The following FERMT3 variants were observed in gnomAD, a reference collection of about 807,000 sequenced individuals.
The protein encoded by FERMT3 is FERM domain containing kindlin 3.
In FERMT3, 33 loss-of-function variants were observed where a neutral mutation model predicts 80.8. The observed-to-expected ratio is 0.41, with a 90% CI of 0.31 to 0.55. The LOEUF is 0.55. Ranked by LOEUF, FERMT3 falls within the 20% of genes least tolerant of loss-of-function variation. The pLI, the probability that FERMT3 is intolerant of heterozygous loss-of-function variation, is 0.31. For synonymous variants in FERMT3, 375 were observed against 372.2 expected (o/e 1.01, Z -0.09); for missense variants, 754 against 908.7 (o/e 0.83, Z 2.19).
intron 13 of FERMT3, 115 bp downstream of exon 13, chr11:64,221,255 C>G (rs1384276167): frequency 9.4e-7 from 1 of 1,067,866 alleles, no homozygotes. Flanking sequence ...CAAAGACTCC[C>G]TTCCCTTGTT....
rs1266306957 is a variant in FERMT3 at position 64,207,470 on chromosome 11, G to T, written c.106G>T (p.Val36Phe). The change falls in exon 2 of 15, where the codon GTC becomes TTC. Residue 36 changes from valine to phenylalanine, a missense_variant. By Grantham distance (50) the Val-to-Phe change is conservative (BLOSUM62 -1). Transcript: ENST00000345728. ...AGAGGCCGAGTCGGTCACCCTGCGG[G>T]TCACTGGGGAGTCGCACATCGGCGG... ...DPEAESVTLR[V>F]TGESHIGGVL... 1.2e-6 allele frequency: 2 copies of T among 1,613,936 alleles called. No homozygotes were observed. The highest frequency in any genetic ancestry group is 1.7e-6 in the Non-Finnish European group (2 of 1,179,970).
At position 64,210,855 on chromosome 11, in the gene FERMT3, C is replaced by T. The variant is rs201241002; in HGVS notation, c.394+11C>T. On this transcript the variant is annotated intron_variant, in intron 3 of 14. Coordinates refer to ENST00000345728, the MANE Select transcript of FERMT3 (RefSeq NM_031471.6). The surrounding 1 kb of genome is among the most constrained non-coding windows in gnomAD (Gnocchi z 4.3). ...TCTGCCGCCTCCTCAGTAAGTTGCC[C>T]GGCTGATTCCCCTGGCCCACGAGGG... 3.0e-5 allele frequency: 48 copies of T among 1,610,664 alleles called. No homozygotes were observed. Among genetic ancestry groups the T allele is most frequent in the East Asian group, 2.5e-4 (11 of 44,866 alleles).
intron 13 of FERMT3, 75 bp from the exon 14 acceptor site, chr11:64,222,969 AGCAC>A (rs1946745536): frequency 1.9e-6 from 3 of 1,591,180 alleles, no homozygotes; most frequent in Non-Finnish European, 2.6e-6. Flanking sequence ...CTGGCTCTCC[AGCAC>A]GGCGCCACAT....
At chr11:64,207,634 C>T (rs547477693) in intron 2 of FERMT3, 110 bp downstream of exon 2, 27 of 1,340,028 alleles carry the variant, frequency 2.0e-5, no homozygotes, top group East Asian at 7.1e-5. Context: ...AATGGTGTCA[C>T]GGTGACTCAG....
intron 6 of FERMT3, among the ~76,000 whole-genome samples, chr11:64,218,874 G>A (rs1946609727): frequency 6.6e-6 from 1 of 151,860 alleles, no homozygotes. Flanking sequence ...ATTGAACTTG[G>A]GGGGGCCTTA....
rs1473238904 is a variant in FERMT3, at chr11:64,210,664, T to C, written c.214T>C (p.Trp72Arg). ...HAIWWEQKRQ[W>R]LLQTHWTLDK... ...TATTTGGTGGGAACAGAAGAGGCAG[T>C]GGCTGCTGCAGACCCACTGGACACT... The change falls in exon 3 of 15, where the codon TGG becomes CGG. Residue 72 changes from tryptophan (W) to arginine (R), a missense_variant. By Grantham distance (101) the Trp-to-Arg change is moderately radical. Coordinates refer to ENST00000345728, the MANE Select transcript of FERMT3 (RefSeq NM_031471.6). This position sits in a 1 kb window ranked among gnomAD's most constrained non-coding sequence, Gnocchi z 4.3. 3 of 1,614,104 alleles carry C rather than the reference T, an allele frequency of 1.9e-6. No homozygotes were observed. The highest frequency in any genetic ancestry group is 2.5e-6 in the Non-Finnish European group (3 of 1,179,998).
At chr11:64,221,399 TAGG>T (rs1268712816) in intron 13 of FERMT3, among the ~76,000 whole-genome samples, 40 of 151,566 alleles carry the variant, frequency 2.6e-4, no homozygotes, top group Admixed American at 1.3e-4. Flanking sequence ...GAGGCAGAGA[TAGG>T]AGGATCACTT....
chr11:64,207,275 A>C (rs1946331577), intron 1 of FERMT3, 76 bp from the exon 2 acceptor site: 1 of 1,575,166 alleles, frequency 6.3e-7, no homozygotes, highest in Non-Finnish European at 8.7e-7. Flanking sequence ...TGTCCAGGGC[A>C]TCACAGAGCT....
chr11:64,217,921 C>T (rs891804119), intron 6 of FERMT3, among the ~76,000 whole-genome samples: 3 of 151,838 alleles, frequency 2.0e-5, no homozygotes, highest in African/African-American at 4.8e-5. Flanking sequence ...AGGGACAAGG[C>T]GTGAGGCCCT....
chr11:64,221,243 C>T (rs1246418148), intron 13 of FERMT3, 103 bp downstream of exon 13: 2 of 1,154,082 alleles, frequency 1.7e-6, no homozygotes, highest in African/African-American at 1.5e-5. Flanking sequence ...GGACAGGCAC[C>T]CCAAAGACTC....
rs781320126 is a variant in FERMT3 at position 64,223,442 on chromosome 11, C to G, written c.1942C>G (p.Leu648Val). ...GCGGGAGCGGGCCCGTGGGGAGGAGCTGGATGAAGACCTCTTCCTGCAGCT... is the reference window on the plus strand; with the variant it reads ...GCGGGAGCGGGCCCGTGGGGAGGAGGTGGATGAAGACCTCTTCCTGCAGCT... ...STRERARGEE[L>V]DEDLFLQLTG... The change falls in exon 15 of 15, where the codon CTG (leucine) becomes GTG (valine). Residue 648 changes from leucine (L) to valine (V), a missense_variant. Leu to Val is a conservative substitution (Grantham distance 32, BLOSUM62 1). Coordinates refer to ENST00000345728, the MANE Select transcript of FERMT3 (RefSeq NM_031471.6). 6.2e-7 allele frequency: 1 copy of G among 1,612,960 alleles called. No individual in the cohort carries two copies. The highest frequency in any genetic ancestry group is 8.5e-7 in the Non-Finnish European group (1 of 1,180,018).
In FERMT3 at chr11:64,211,013, G is replaced by A; in HGVS notation, c.395-39G>A. On this transcript the variant is annotated intron_variant, in intron 3 of 14. Transcript: ENST00000345728. This position sits in a 1 kb window ranked among gnomAD's most constrained non-coding sequence, Gnocchi z 4.7. ...CCATGGGTGAGGTGGGGAGGCTGCAGCAGGACCTAGTCCCCGCTGAGACCC... is the reference window on the plus strand; with the variant it reads ...CCATGGGTGAGGTGGGGAGGCTGCAACAGGACCTAGTCCCCGCTGAGACCC... 1.2e-6 allele frequency: 2 copies of A among 1,608,260 alleles called. No individual in the cohort carries two copies. The highest frequency in any genetic ancestry group is 1.1e-5 in the South Asian group (1 of 90,002).
At chr11:64,212,570 A>G (rs562477347) in intron 6 of FERMT3, among the ~76,000 whole-genome samples, 1 of 152,140 alleles carries the variant, frequency 6.6e-6, no homozygotes, top group South Asian at 2.1e-4. Flanking sequence ...TTCTTACTTG[A>G]CCACTTACTT....
chr11:64,218,148 C>T (rs1453778043), intron 6 of FERMT3, among the ~76,000 whole-genome samples: 3 of 152,006 alleles, frequency 2.0e-5, no homozygotes, highest in African/African-American at 7.2e-5. Context: ...GGATTACAGG[C>T]GCCCGCCACC....
intron 6 of FERMT3, among the ~76,000 whole-genome samples, chr11:64,217,728 T>C (rs574104505): frequency 2.6e-5 from 4 of 152,148 alleles, no homozygotes; most frequent in Non-Finnish European, 5.9e-5. Context: ...ACCTGCTTTT[T>C]TTCTTGGACT....
rs762433118 is a variant in FERMT3 at position 64,220,334 on chromosome 11, A to AG, written c.1311+11dup. On this transcript the variant is annotated intron_variant, in intron 11 of 14. Transcript: ENST00000345728. ...TACCTGCGGTGCCAGGATGTGAGTG[A>AG]GGGCTGGGCAGGGGCCAGGGCCGGG... The AG allele has an allele frequency of 1.9e-6, 3 of 1,611,982 alleles. No homozygotes were observed. In the African/African-American group the frequency reaches 4.0e-5, roughly 22 times the overall value.
At position 64,221,108 on chromosome 11, in the gene FERMT3, G is replaced by T. The variant is rs1241316366; in HGVS notation, c.1638G>T (p.Leu546=). The T allele has an allele frequency of 1.2e-6, 2 of 1,611,006 alleles. No individual in the cohort carries two copies. The highest frequency in any genetic ancestry group is 1.7e-5 in the Admixed American group (1 of 60,006). Residue 546 remains leucine, a synonymous_variant, in exon 13 of 15, where the codon CTG becomes CTT. Coordinates refer to ENST00000345728, the MANE Select transcript of FERMT3 (RefSeq NM_031471.6). ...QLRFIQAWQS[L]PDFGISYVMV... Reference sequence around the variant, plus strand: ...GCTTCATCCAGGCCTGGCAGTCCCTGCCCGACTTCGGCATCTCCTATGTCA... The same window carrying T: ...GCTTCATCCAGGCCTGGCAGTCCCTTCCCGACTTCGGCATCTCCTATGTCA...
At position 64,219,153 on chromosome 11, in the gene FERMT3, G is replaced by T; in HGVS notation, c.787-98G>T. The T allele has an allele frequency of 8.6e-7, 1 of 1,164,980 alleles. No individual in the cohort carries two copies. 72.2% of individuals were successfully genotyped at this position (1,164,980 alleles called of 1,614,324 possible). A position where few individuals can be genotyped will look rare whatever the true frequency, so the allele number is the denominator to read the frequency against. ...TGAATCTGCCTCAGCAAGGAGGGCAGGGCAGAGGGCCAAGGCTGGCAGGGG... is the reference window on the plus strand; with the variant it reads ...TGAATCTGCCTCAGCAAGGAGGGCATGGCAGAGGGCCAAGGCTGGCAGGGG... On this transcript the variant is annotated intron_variant, in intron 6 of 14. Transcript: ENST00000345728. This position sits in a 1 kb window ranked among gnomAD's most constrained non-coding sequence, Gnocchi z 4.0.
rs776858556 is a variant in FERMT3 at position 64,220,278 on chromosome 11, A to T, written c.1263A>T (p.Leu421=). ...VSGQKFCIKL[L]VPSPEGMSEI... The stretch of plus-strand genomic sequence containing the variant: ...GCCAGAAGTTCTGCATTAAACTCCT[A>T]GTGCCCTCCCCTGAGGGCATGAGTG... Residue 421 remains leucine, a synonymous_variant, in exon 11 of 15, where the codon CTA becomes CTT. Transcript: ENST00000345728. 6.2e-7 allele frequency: 1 copy of T among 1,613,866 alleles called. No homozygotes were observed. Among genetic ancestry groups the T allele is most frequent in the Admixed American group, 1.7e-5 (1 of 60,032 alleles).
Sources: gnomAD v4.1 joint callset for allele counts (sites outside exome capture counted in the v4.1 genomes callset) on GRCh38, gnomAD v4.1.1 for gene constraint, Gnocchi (gnomAD v3.1) non-coding constraint, MANE v1.5 for transcripts, NCBI Gene and HGNC (gene_info 2026-07-23, HGNC 2026-07-21) for gene names.